The following CEACAM3 variants were observed in gnomAD, a reference collection of about 807,000 sequenced individuals.
The protein encoded by CEACAM3 is cell adhesion molecule CEACAM3.
Under a neutral mutation model 30.1 loss-of-function variants are expected in CEACAM3, and 32 were observed. That is an observed-to-expected ratio of 1.06 (90% confidence interval 0.80 to 1.43). The LOEUF (loss-of-function observed/expected upper bound fraction) is 1.43. Among genes scored for constraint, CEACAM3 ranks in the 40% most tolerant of loss-of-function variants. CEACAM3 has a pLI of 0.00. For synonymous variants in CEACAM3, 134 were observed against 127.2 expected (o/e 1.05, Z -0.36); for missense variants, 290 against 316.3 (o/e 0.92, Z 0.63).
At chr19:41,810,756 G>A (rs1555827494) in intron 5 of CEACAM3, 76 bp from the exon 6 acceptor site, 3 of 1,301,044 alleles carry the variant, frequency 2.3e-6, no homozygotes, top group African/African-American at 1.5e-5. Context: ...AGTAAACACA[G>A]AGAAGTAAAT....
intron 2 of CEACAM3, among the ~76,000 whole-genome samples, chr19:41,799,092 G>A (rs946202413): frequency 7.2e-5 from 11 of 152,172 alleles, no homozygotes; most frequent in South Asian, 4.1e-4. Context: ...AGAGTAAGGG[G>A]CAAATGGAAA....
intron 2 of CEACAM3, chr19:41,807,257 C>A: frequency 6.2e-7 from 1 of 1,608,928 alleles, no homozygotes; most frequent in African/African-American, 1.3e-5. Context: ...CAGTTCCAGG[C>A]TGCAGCTGTC....
intron 2 of CEACAM3, among the ~76,000 whole-genome samples, chr19:41,805,034 T>C (rs1374783664): frequency 6.6e-6 from 1 of 152,166 alleles, no homozygotes; most frequent in Non-Finnish European, 1.5e-5. Flanking sequence ...TTTGAAATTT[T>C]AGATTTTCAG....
At chr19:41,798,353 C>A (rs920339946) in intron 2 of CEACAM3, among the ~76,000 whole-genome samples, 2 of 152,288 alleles carry the variant, frequency 1.3e-5, no homozygotes, top group South Asian at 4.1e-4. Context: ...AAATCCCTGT[C>A]CCAGATTCCT....
rs372128406 is a variant in CEACAM3, at chr19:41,798,477, T to C, written c.424+529T>C. ...CCAGCTGTCTGAGGGTCGTGGCTCC[T>C]GGAGTTGGTCACCAGCCAGGGTCCA... On this transcript the variant is annotated intron_variant, in intron 2 of 6. Coordinates refer to ENST00000357396, the MANE Select transcript of CEACAM3 (RefSeq NM_001815.5). Among the ~76,000 whole-genome samples the C allele has an allele frequency of 1.1e-4, 16 of 152,300 alleles. 1 individual carries two copies. The highest frequency in any genetic ancestry group is 3.9e-4 in the African/African-American group (16 of 41,554).
At chr19:41,805,062 G>T (rs184397824) in intron 2 of CEACAM3, among the ~76,000 whole-genome samples, 12 of 151,930 alleles carry the variant, frequency 7.9e-5, no homozygotes, top group African/African-American at 2.9e-4. Context: ...ATGCTAAACC[G>T]ATACTTGTAA....
At chr19:41,807,718 A>G (rs916769970) in intron 2 of CEACAM3, 1 of 795,202 alleles carries the variant, frequency 1.3e-6, no homozygotes, top group Non-Finnish European at 1.7e-6. Flanking sequence ...TCCACAGACC[A>G]GGAGCTTCCC....
At chr19:41,806,822 G>A (rs2073203994) in intron 2 of CEACAM3, among the ~76,000 whole-genome samples, 1 of 152,178 alleles carries the variant, frequency 6.6e-6, no homozygotes, top group Non-Finnish European at 1.5e-5. Flanking sequence ...AAGTAGCTGG[G>A]ACTACAGGCG....
intron 2 of CEACAM3, among the ~76,000 whole-genome samples, chr19:41,802,186 A>G (rs546218828): frequency 6.6e-6 from 1 of 152,204 alleles, no homozygotes; most frequent in East Asian, 1.9e-4. Context: ...CAGTCCCCAA[A>G]GCTCATGGCT....
chr19:41,811,499 G>A lies in CEACAM3; in HGVS notation c.*262G>A. 2.1e-6 allele frequency: 1 copy of A among 485,626 alleles called. No homozygotes were observed. The highest frequency in any genetic ancestry group is 3.8e-6 in the Non-Finnish European group (1 of 265,570). The allele number at this position is 485,626 out of a possible 1,614,324, so 30.1% of individuals were successfully genotyped here. On this transcript the variant is annotated 3_prime_UTR_variant, in exon 7 of 7. Transcript: ENST00000357396. ...GCTTGCAGGGAAAGTGAATGGGCCT[G>A]TGGCCCACCTGGGGTCACTTGGAAA... is the stretch of plus-strand genomic sequence containing the variant.
At chr19:41,799,867 C>T (rs191437402) in intron 2 of CEACAM3, among the ~76,000 whole-genome samples, 1 of 152,048 alleles carries the variant, frequency 6.6e-6, no homozygotes, top group African/African-American at 2.4e-5. Context: ...CTCCAGGGGC[C>T]GGGATCCTTG....
chr19:41,796,860 G>A, intron 1 of CEACAM3, 119 bp downstream of exon 1: 1 of 991,990 alleles, frequency 1.0e-6, no homozygotes, highest in East Asian at 2.7e-5. Flanking sequence ...CCTCAGGGGA[G>A]AGAACATCAG....
In CEACAM3 at chr19:41,803,428, G is replaced by A. The variant is rs1366201014; in HGVS notation, c.425-5385G>A. ...GAACAGCAAAGTTTTGTGTGTGTATGTGTGTGTGTGTGTGTGTGTGTGTGT... is the reference window on the plus strand; with the variant it reads ...GAACAGCAAAGTTTTGTGTGTGTATATGTGTGTGTGTGTGTGTGTGTGTGT... On this transcript the variant is annotated intron_variant, in intron 2 of 6. Coordinates refer to ENST00000357396, the MANE Select transcript of CEACAM3 (RefSeq NM_001815.5). Among the ~76,000 whole-genome samples the A allele has an allele frequency of 1.3e-4, 17 of 130,294 alleles. 1 individual carries two copies. In the South Asian group the frequency reaches 2.3e-3, roughly 18 times the overall value. The allele number at this position is 130,294 out of a possible 152,430, so 85.5% of individuals were successfully genotyped here. A position where few individuals can be genotyped will look rare whatever the true frequency, so the allele number is the denominator to read the frequency against.
At chr19:41,804,253 G>A (rs1555826421) in intron 2 of CEACAM3, among the ~76,000 whole-genome samples, 1 of 142,758 alleles carries the variant, frequency 7.0e-6, no homozygotes, top group African/African-American at 2.4e-5. Context: ...TGTGCTGTCT[G>A]ATGGGCCCAC....
chr19:41,801,289 C>A (rs1314361403), intron 2 of CEACAM3, among the ~76,000 whole-genome samples: 2 of 152,218 alleles, frequency 1.3e-5, no homozygotes, highest in African/African-American at 4.8e-5. Flanking sequence ...TGGATCAGAG[C>A]CCCTGCCAGG....
chr19:41,811,167 A>G lies in CEACAM3; in HGVS notation c.694-5A>G, dbSNP rs781820614. On this transcript the variant is annotated splice_polypyrimidine_tract_variant and splice_region_variant and intron_variant, in intron 6 of 6. Transcript: ENST00000357396. ...GGGGTCCAGGCCTCTTCTCTGTTTT[A>G]ACAGGAATTGCTAAAACATGACACA... 42 of 1,614,034 alleles carry G rather than the reference A, an allele frequency of 2.6e-5. No individual in the cohort carries two copies. The Middle Eastern group carries it at 1.8e-3, about 70-fold the overall frequency.
chr19:41,810,485 T>A, intron 5 of CEACAM3, 131 bp downstream of exon 5: 1 of 1,113,262 alleles, frequency 9.0e-7, no homozygotes, highest in Non-Finnish European at 1.3e-6. Flanking sequence ...AGGCTAGCCC[T>A]GCCCTGGCCA....
intron 2 of CEACAM3, among the ~76,000 whole-genome samples, chr19:41,799,373 C>T (rs912709679): frequency 2.6e-5 from 4 of 152,202 alleles, no homozygotes; most frequent in African/African-American, 7.2e-5. Context: ...TCCCCCTTCT[C>T]CTTCCACCAT....
chr19:41,798,858 G>GA lies in CEACAM3; in HGVS notation c.424+920dup, dbSNP rs199708578. Among the ~76,000 whole-genome samples, 1,482 of 150,228 alleles carry GA rather than the reference G, an allele frequency of 9.9e-3. 77 individuals are homozygous for GA. Among genetic ancestry groups the GA allele is most frequent in the Admixed American group, 0.077 (1,173 of 15,136 alleles). ...CCAAATAGCACTTATCCTACTTATT[G>GA]AAAAAAAAAATTGAGGAACAGGGAG... On this transcript the variant is annotated intron_variant, in intron 2 of 6. Transcript: ENST00000357396.
Sources: gnomAD v4.1 joint callset for allele counts (sites outside exome capture counted in the v4.1 genomes callset) on GRCh38, gnomAD v4.1.1 for gene constraint, MANE v1.5 for transcripts, NCBI Gene and HGNC (gene_info 2026-07-23, HGNC 2026-07-21) for gene names.